Variants in NUP155 observed in about 807,000 individuals in gnomAD.
NUP155 encodes nuclear pore complex protein Nup155.
NUP155 carries 71 observed loss-of-function variants against 180.4 expected under a neutral mutation model. That is an observed-to-expected ratio of 0.39 (90% CI 0.33 to 0.48). NUP155 has a LOEUF of 0.48. Among genes scored for constraint, NUP155 ranks in the 20% least tolerant of loss-of-function variants. NUP155 has a pLI of 0.91. For synonymous variants in NUP155, 582 were observed against 559.5 expected, an observed-to-expected ratio of 1.04 and a Z score of -0.57; for missense variants, 1,553 against 1,648.9, an observed-to-expected ratio of 0.94 and a Z score of 1.01.
chr5:37,367,596 G>A (rs1272801394), intron 1 of NUP155, among the ~76,000 whole-genome samples: 5 of 150,144 alleles, frequency 3.3e-5, no homozygotes, highest in Non-Finnish European at 7.4e-5. Context: ...GCAGTGGCGC[G>A]ATCTCGGCTC....
In NUP155 at chr5:37,291,473, G is replaced by A. The variant is rs996361079; in HGVS notation, c.*427C>T. 1.9e-5 allele frequency: 3 copies of A among 161,298 alleles called. No homozygotes were observed. Among genetic ancestry groups the A allele is most frequent in the African/African-American group, 7.2e-5 (3 of 41,404 alleles). 10.0% of individuals were successfully genotyped at this position (161,298 alleles called of 1,614,324 possible). A position where few individuals can be genotyped will look rare whatever the true frequency, so the allele number is the denominator to read the frequency against. ...TTGGCCAGGTTGGTCTCAAACTCTT[G>A]GCCTCGTGATTCGCCCACCTTGGCC... On this transcript the variant is annotated 3_prime_UTR_variant, in exon 35 of 35. Transcript: ENST00000231498.
chr5:37,317,531 GTATATATA>G (rs762967086), intron 21 of NUP155, among the ~76,000 whole-genome samples: 2 of 151,688 alleles, frequency 1.3e-5, no homozygotes, highest in Non-Finnish European at 2.9e-5. Flanking sequence ...AAATTTTATG[GTATATATA>G]TATTTCACCA....
chr5:37,297,946 A>G (rs1040650957), intron 32 of NUP155, among the ~76,000 whole-genome samples: 6 of 151,984 alleles, frequency 3.9e-5, no homozygotes, highest in African/African-American at 1.4e-4. Context: ...AAAAAAAAAA[A>G]AAAAAATTAG....
chr5:37,303,489 AT>A, intron 27 of NUP155, 75 bp from the exon 28 acceptor site: 1 of 1,254,422 alleles, frequency 8.0e-7, no homozygotes, highest in Non-Finnish European at 1.1e-6. Flanking sequence ...AAAATATAGT[AT>A]TTTTAAGTCA....
At chr5:37,295,204 G>A (rs189282510) in intron 32 of NUP155, among the ~76,000 whole-genome samples, 8,271 of 151,964 alleles carry the variant, frequency 0.054, 719 homozygotes, top group African/African-American at 0.18. Context: ...GCGCCGCCAC[G>A]CCTGACTGGT....
intron 4 of NUP155, among the ~76,000 whole-genome samples, chr5:37,354,546 C>G (rs1215563662): frequency 2.0e-5 from 3 of 150,408 alleles, no homozygotes; most frequent in Non-Finnish European, 4.4e-5. Context: ...GCAGCCTTGT[C>G]CTCCTATGCT....
intron 1 of NUP155, chr5:37,370,561 C>T: frequency 2.0e-6 from 2 of 1,004,254 alleles, no homozygotes; most frequent in South Asian, 3.4e-5. Flanking sequence ...GCGAGAAGCT[C>T]ATTAAGGTTG....
chr5:37,334,236 G>A (rs1217586338), intron 12 of NUP155, among the ~76,000 whole-genome samples: 1 of 151,954 alleles, frequency 6.6e-6, no homozygotes, highest in Non-Finnish European at 1.5e-5. Flanking sequence ...CCAAGTAGCT[G>A]GGACTACAGG....
At chr5:37,329,945 C>A in intron 15 of NUP155, 93 bp downstream of exon 15, 1 of 890,110 alleles carries the variant, frequency 1.1e-6, no homozygotes, top group Middle Eastern at 2.3e-4. Flanking sequence ...AGTCACTCAA[C>A]TGTTTGGCAA....
chr5:37,342,659 A>G lies in NUP155; in HGVS notation c.996-13T>C. On this transcript the variant is annotated splice_polypyrimidine_tract_variant and intron_variant, in intron 9 of 34. Transcript: ENST00000231498. ...ACGATCGATGGTCCTAAAAGAAAGG[A>G]GAAAATAAAGTGTATTTTTAAAATG... 1 of 1,482,014 alleles carries G rather than the reference A, an allele frequency of 6.7e-7. No individual in the cohort carries two copies. Among genetic ancestry groups the G allele is most frequent in the Non-Finnish European group, 9.4e-7 (1 of 1,059,992 alleles). The allele number at this position is 1,482,014 out of a possible 1,614,324, so 91.8% of individuals were successfully genotyped here.
At position 37,371,090 on chromosome 5, in the gene NUP155, C is replaced by A. The variant is rs1581229236; in HGVS notation, c.-113G>T. On this transcript the variant is annotated 5_prime_UTR_variant, in exon 1 of 35. Coordinates refer to ENST00000231498, the MANE Select transcript of NUP155 (RefSeq NM_153485.3). ...GCCTAGGGCGCGCGCGCCAAACGAGCGCCTTGGCGCCTCGACATGACGCAC... is the reference window on the plus strand; with the variant it reads ...GCCTAGGGCGCGCGCGCCAAACGAGAGCCTTGGCGCCTCGACATGACGCAC... 15 of 1,030,650 alleles carry A rather than the reference C, an allele frequency of 1.5e-5. No individual in the cohort carries two copies. In the East Asian group the frequency reaches 3.7e-4, roughly 26 times the overall value. 63.8% of individuals were successfully genotyped at this position (1,030,650 alleles called of 1,614,324 possible).
chr5:37,349,905 T>A (rs987143976), intron 7 of NUP155, among the ~76,000 whole-genome samples: 1 of 152,220 alleles, frequency 6.6e-6, no homozygotes, highest in African/African-American at 2.4e-5. Context: ...TATTTTGGTT[T>A]AATTATGTAC....
intron 14 of NUP155, among the ~76,000 whole-genome samples, chr5:37,330,730 A>C (rs1744902207): frequency 6.6e-6 from 1 of 151,690 alleles, no homozygotes. Flanking sequence ...ATTAAGCCAA[A>C]ACAAACAAAC....
At position 37,296,400 on chromosome 5, in the gene NUP155, CAT is replaced by C. The variant is rs1742573101; in HGVS notation, c.3794-1937_3794-1936del. ...ACCCCCAACCCTGTGCTCTCTGAAA[CAT>C]GTGCTGTGTCCACTCAGGGTTAAAT... On this transcript the variant is annotated intron_variant, in intron 32 of 34. Coordinates refer to ENST00000231498, the MANE Select transcript of NUP155 (RefSeq NM_153485.3). Among the ~76,000 whole-genome samples, 3 of 152,148 alleles carry C rather than the reference CAT, an allele frequency of 2.0e-5. No homozygotes were observed. The South Asian group carries it at 6.2e-4, about 32-fold the overall frequency.
Position 37,309,146 on chromosome 5 carries a change from C to T in NUP155, c.2750G>A (p.Cys917Tyr), listed in dbSNP as rs747275352. 1.9e-6 allele frequency: 3 copies of T among 1,613,386 alleles called. No individual in the cohort carries two copies. The highest frequency in any genetic ancestry group is 2.2e-5 in the South Asian group (2 of 91,066). Residue 917 changes from cysteine to tyrosine, a missense_variant, in exon 24 of 35, where the codon TGT (cysteine) becomes TAT (tyrosine). Physicochemically the swap from Cys to Tyr is radical, Grantham distance 194. Coordinates refer to ENST00000231498, the MANE Select transcript of NUP155 (RefSeq NM_153485.3). ...TTTCTCACCTTGTCTATACTGAGCACAAACATTGGAAAGGTCCACTTGATT... is the reference window on the plus strand; with the variant it reads ...TTTCTCACCTTGTCTATACTGAGCATAAACATTGGAAAGGTCCACTTGATT... ...ISNQVDLSNV[C>Y]AQYRQVRFYE...
intron 22 of NUP155, among the ~76,000 whole-genome samples, chr5:37,312,478 G>A (rs922857306): frequency 7.2e-5 from 11 of 152,144 alleles, no homozygotes; most frequent in Admixed American, 7.2e-4. Context: ...AGGAAAGACT[G>A]CTTTAGACTG....
intron 3 of NUP155, among the ~76,000 whole-genome samples, chr5:37,359,517 A>G (rs1399524088): frequency 2.0e-5 from 3 of 152,136 alleles, no homozygotes; most frequent in Non-Finnish European, 4.4e-5. Flanking sequence ...TAAGTACAAC[A>G]ACAGAACCCA....
intron 3 of NUP155, among the ~76,000 whole-genome samples, chr5:37,363,652 T>A (rs969665946): frequency 2.0e-5 from 3 of 152,182 alleles, no homozygotes; most frequent in Non-Finnish European, 4.4e-5. Flanking sequence ...GAATGGCACC[T>A]AAACCAGCAG....
intron 20 of NUP155, among the ~76,000 whole-genome samples, chr5:37,319,744 G>A (rs1744123314): frequency 6.6e-6 from 1 of 152,160 alleles, no homozygotes; most frequent in Non-Finnish European, 1.5e-5. Flanking sequence ...GGTAGCATGT[G>A]CCTGTAGTCC....
Sources: gnomAD v4.1 joint callset for allele counts (sites outside exome capture counted in the v4.1 genomes callset) on GRCh38, gnomAD v4.1.1 for gene constraint, MANE v1.5 for transcripts, NCBI Gene and HGNC (gene_info 2026-07-23, HGNC 2026-07-21) for gene names.